The following MLC1 variants were observed in gnomAD, a reference collection of about 807,000 sequenced individuals.
The protein encoded by MLC1 is membrane protein MLC1.
MLC1 carries 32 observed loss-of-function variants against 44.7 expected under a neutral mutation model. That is an observed-to-expected ratio of 0.72 (90% CI 0.54 to 0.96). MLC1 has a LOEUF of 0.96. Ranked by LOEUF, MLC1 falls within the 40% of genes least tolerant of loss-of-function variation. The pLI is 0.00. For synonymous variants in MLC1, 190 were observed against 213.0 expected (o/e 0.89, Z 0.94); for missense variants, 459 against 492.2 (o/e 0.93, Z 0.64).
intron 8 of MLC1, among the ~76,000 whole-genome samples, 173 bp from the exon 9 acceptor site, chr22:50,070,756 G>T (rs532614429): frequency 6.6e-6 from 1 of 152,222 alleles, no homozygotes; most frequent in South Asian, 2.1e-4. Context: ...GGACGGGTCC[G>T]CAGGGAAGCA....
Position 50,064,194 on chromosome 22 carries a change from G to A in MLC1, c.899C>T (p.Ser300Phe), listed in dbSNP as rs555440220. The A allele has an allele frequency of 1.9e-6, 3 of 1,596,170 alleles. No homozygotes were observed. Among genetic ancestry groups the A allele is most frequent in the Non-Finnish European group, 2.5e-6 (3 of 1,177,012 alleles). The change falls in exon 11 of 12, where the codon TCC (serine) becomes TTC (phenylalanine). Residue 300 changes from serine to phenylalanine, a missense_variant. Ser to Phe is a radical substitution (Grantham distance 155). Coordinates refer to ENST00000311597, the MANE Select transcript of MLC1 (RefSeq NM_015166.4). ...FKDYPPAIKP[S>F]YDVLLLLLLL... Reference sequence around the variant, plus strand: ...CAGCAGCAGCAGCAGCACATCGTAGGATGGCTGCAGGCGGAAGGAGGTGTG... The same window carrying A: ...CAGCAGCAGCAGCAGCACATCGTAGAATGGCTGCAGGCGGAAGGAGGTGTG...
intron 11 of MLC1, among the ~76,000 whole-genome samples, chr22:50,062,857 G>T (rs1007517301): frequency 1.6e-4 from 25 of 152,230 alleles, no homozygotes; most frequent in Admixed American, 4.6e-4. Flanking sequence ...TAGCTCGGTG[G>T]GGGGAAGACG....
At chr22:50,078,431 C>T (rs1431057234) in intron 5 of MLC1, among the ~76,000 whole-genome samples, 2 of 152,142 alleles carry the variant, frequency 1.3e-5, no homozygotes, top group Admixed American at 1.3e-4. Flanking sequence ...GGACTTGAAA[C>T]ACTTTTCTTA....
intron 7 of MLC1, chr22:50,074,701 C>G (rs968837569): frequency 3.1e-6 from 1 of 322,728 alleles, no homozygotes; most frequent in East Asian, 7.5e-5. Flanking sequence ...TGGACCCCAT[C>G]GAAGGGACTC....
At position 50,083,549 on chromosome 22, in the gene MLC1, G is replaced by A. The variant is rs989933583; in HGVS notation, c.178-376C>T. ...AGATCCCACACCCAGGTCCAGACAC[G>A]AGACTGGAAAACAACTGCCCATCCC... On this transcript the variant is annotated intron_variant, in intron 2 of 11. Coordinates refer to ENST00000311597, the MANE Select transcript of MLC1 (RefSeq NM_015166.4). This position sits in a 1 kb window ranked among gnomAD's most constrained non-coding sequence, Gnocchi z 4.6. 1.3e-5 allele frequency among the ~76,000 whole-genome samples: 2 copies of A among 152,284 alleles called. No homozygotes were observed. Among genetic ancestry groups the A allele is most frequent in the Non-Finnish European group, 1.5e-5 (1 of 68,014 alleles).
At position 50,070,698 on chromosome 22, in the gene MLC1, T is replaced by TG. The variant is rs912942390; in HGVS notation, c.715-116dup. On this transcript the variant is annotated intron_variant, in intron 8 of 11. Coordinates refer to ENST00000311597, the MANE Select transcript of MLC1 (RefSeq NM_015166.4). The stretch of plus-strand genomic sequence containing the variant: ...TGCAGGCTGCCTGGCTGGCTTGCTG[T>TG]GGGGGGCAGGGGGGATGGTGCAGTG... The TG allele has an allele frequency of 2.4e-5, 28 of 1,168,006 alleles. No homozygotes were observed. The African/African-American group carries it at 3.7e-4, about 15-fold the overall frequency. 72.4% of individuals were successfully genotyped at this position (1,168,006 alleles called of 1,614,324 possible). A position where few individuals can be genotyped will look rare whatever the true frequency, so the allele number is the denominator to read the frequency against.
chr22:50,080,315 G>C (rs761534416), intron 4 of MLC1, 29 bp downstream of exon 4: 1 of 1,596,124 alleles, frequency 6.3e-7, no homozygotes, highest in Non-Finnish European at 8.5e-7. Context: ...CTTTCTCCCT[G>C]GCAGAGGCTG....
intron 10 of MLC1, among the ~76,000 whole-genome samples, chr22:50,065,866 C>T (rs144593928): frequency 8.5e-5 from 13 of 152,304 alleles, no homozygotes; most frequent in African/African-American, 1.4e-4. Context: ...AAGGAAGATG[C>T]GTGCAGGTTG....
At chr22:50,070,436 AG>A in intron 9 of MLC1, 90 bp downstream of exon 9, 1 of 1,247,082 alleles carries the variant, frequency 8.0e-7, no homozygotes, top group Non-Finnish European at 1.1e-6. Context: ...CTTGGGCTGG[AG>A]CCTGGTCACA....
In MLC1 at chr22:50,084,750, C is replaced by G. The variant is rs758885759; in HGVS notation, c.153G>C (p.Thr51=). The part of the protein sequence containing the change: ...KRLPPCFSHK[T]WVFSVLMGSC... ...CCCCCATCAGCACAGAGAAGACCCA[C>G]GTCTTGTGGCTGAAGCAGGGGGGCA... Residue 51 remains threonine (T), a synonymous_variant, in exon 2 of 12, where the codon ACG becomes ACC. Coordinates refer to ENST00000311597, the MANE Select transcript of MLC1 (RefSeq NM_015166.4). The G allele has an allele frequency of 1.2e-6, 2 of 1,614,116 alleles. No individual in the cohort carries two copies. The highest frequency in any genetic ancestry group is 1.1e-5 in the South Asian group (1 of 91,086).
chr22:50,073,372 C>T (rs529624180), intron 8 of MLC1, among the ~76,000 whole-genome samples: 7 of 152,300 alleles, frequency 4.6e-5, no homozygotes, highest in South Asian at 2.1e-4. Context: ...GGTCTGCGTC[C>T]GGAGGCAGGT....
Position 50,068,442 on chromosome 22 carries a change from T to C in MLC1, c.885A>G (p.Pro295=). The C allele has an allele frequency of 6.2e-7, 1 of 1,613,824 alleles. No homozygotes were observed. The highest frequency in any genetic ancestry group is 1.3e-5 in the African/African-American group (1 of 75,056). ...ATAAAATACAACTCACTTTTATGGC[T>C]GGCGGGTAATCCTTAAACATCTCCA... ...RIVEMFKDYP[P]AIKPSYDVLL... The change falls in exon 10 of 12, where the codon CCA becomes CCG. Residue 295 remains proline (P), a synonymous_variant. Coordinates refer to ENST00000311597, the MANE Select transcript of MLC1 (RefSeq NM_015166.4).
chr22:50,074,403 C>T lies in MLC1; in HGVS notation c.598-71G>A, dbSNP rs1436931430. ...CCCCAGATTCCCAGAATGCACTGTG[C>T]AGACATGGACCCCCAGGAGCAGGGT... On this transcript the variant is annotated intron_variant, in intron 7 of 11. Coordinates refer to ENST00000311597, the MANE Select transcript of MLC1 (RefSeq NM_015166.4). The T allele has an allele frequency of 6.8e-6, 9 of 1,317,106 alleles. No homozygotes were observed. In the African/African-American group the frequency reaches 1.0e-4, roughly 15 times the overall value. 81.6% of individuals were successfully genotyped at this position (1,317,106 alleles called of 1,614,324 possible).
rs951836732 is a variant in MLC1 at position 50,059,467 on chromosome 22, C to T, written c.*2116G>A. The T allele has an allele frequency of 1.3e-5, 2 of 152,316 alleles. No homozygotes were observed. Among genetic ancestry groups the T allele is most frequent in the Non-Finnish European group, 2.9e-5 (2 of 68,034 alleles). 9.4% of individuals were successfully genotyped at this position (152,316 alleles called of 1,614,324 possible). A position where few individuals can be genotyped will look rare whatever the true frequency, so the allele number is the denominator to read the frequency against. On this transcript the variant is annotated 3_prime_UTR_variant, in exon 12 of 12. Transcript: ENST00000311597. ...ACTGAAAGAGACAGTTCTTTTAAAC[C>T]CCATTTTTCCGGATTTTTTAAGCGC...
Position 50,061,459 on chromosome 22 carries a change from C to T in MLC1, c.*124G>A. The T allele has an allele frequency of 9.6e-7, 1 of 1,045,570 alleles. No homozygotes were observed. Among genetic ancestry groups the T allele is most frequent in the East Asian group, 2.4e-5 (1 of 41,804 alleles). The allele number at this position is 1,045,570 out of a possible 1,614,324, so 64.8% of individuals were successfully genotyped here. A position where few individuals can be genotyped will look rare whatever the true frequency, so the allele number is the denominator to read the frequency against. Reference sequence around the variant, plus strand: ...TAGGAAGTGAAAACCCCACCTGCAGCCTGGTTTGCCCTCACACAAGGGAAA... The same window carrying T: ...TAGGAAGTGAAAACCCCACCTGCAGTCTGGTTTGCCCTCACACAAGGGAAA... On this transcript the variant is annotated 3_prime_UTR_variant, in exon 12 of 12. Transcript: ENST00000311597.
In MLC1 at chr22:50,064,132, C is replaced by T; in HGVS notation, c.961G>A (p.Gly321Ser). The T allele has an allele frequency of 6.2e-7, 1 of 1,609,376 alleles. No homozygotes were observed. Reference sequence around the variant, plus strand: ...AAGCGCACGCACTGGATGGCGGTGCCCGTGTTGAGGCCGGCCTGCAGCAGG... The same window carrying T: ...AAGCGCACGCACTGGATGGCGGTGCTCGTGTTGAGGCCGGCCTGCAGCAGG... ...VLLLQAGLNT[G>S]TAIQCVRFKV... Residue 321 changes from glycine to serine, a missense_variant, in exon 11 of 12, where the codon GGC (glycine) becomes AGC (serine). By Grantham distance (56) the Gly-to-Ser change is moderately conservative. Transcript: ENST00000311597.
chr22:50,082,409 C>T (rs137928), intron 3 of MLC1, among the ~76,000 whole-genome samples: 75,201 of 152,046 alleles, frequency 0.49, 18,880 homozygotes, highest in Non-Finnish European at 0.53. Context: ...TCAGTGGGTG[C>T]CTCCACCGGC....
intron 11 of MLC1, among the ~76,000 whole-genome samples, chr22:50,062,079 G>T (rs2061572167): frequency 6.7e-6 from 1 of 149,736 alleles, no homozygotes; most frequent in South Asian, 2.1e-4. Flanking sequence ...AGCCCCAGTT[G>T]TCCACCCTGA....
At chr22:50,081,017 G>GAAAGAAAGAA (rs2062114692) in intron 3 of MLC1, among the ~76,000 whole-genome samples, 1 of 139,010 alleles carries the variant, frequency 7.2e-6, no homozygotes, top group Non-Finnish European at 1.5e-5. Flanking sequence ...AAAAAAGAAA[G>GAAAGAAAGAA]AAAGAAAGAA....
Sources: allele counts gnomAD v4.1 joint callset (sites outside exome capture counted in the v4.1 genomes callset), GRCh38; gene constraint gnomAD v4.1.1; non-coding constraint Gnocchi (gnomAD v3.1); transcripts MANE v1.5; gene names NCBI Gene and HGNC (gene_info 2026-07-23, HGNC 2026-07-21).